Variants in TIMM44 observed in about 807,000 individuals in gnomAD.
TIMM44 encodes translocase of inner mitochondrial membrane 44, also known as mitochondrial import inner membrane translocase subunit TIM44.
A neutral mutation model predicts 63.8 loss-of-function variants in TIMM44; 37 were observed. The observed-to-expected ratio is 0.58, with a 90% CI of 0.45 to 0.76. The LOEUF (loss-of-function observed/expected upper bound fraction) is 0.76, where lower values mean the gene tolerates loss of function less well. Ranked by LOEUF, TIMM44 falls within the 30% of genes least tolerant of loss-of-function variation. TIMM44 has a pLI of 0.00. For synonymous variants in TIMM44, 239 were observed against 245.1 expected, an observed-to-expected ratio of 0.98 and a Z score of 0.23; for missense variants, 573 against 603.8, an observed-to-expected ratio of 0.95 and a Z score of 0.54.
chr19:7,940,989 C>T, intron 2 of TIMM44, 113 bp downstream of exon 2: 3 of 832,668 alleles, frequency 3.6e-6, no homozygotes, highest in Non-Finnish European at 6.1e-6. Flanking sequence ...AGAAGGCCCA[C>T]CACCGAGATG....
At chr19:7,928,963 C>T (rs1001886873) in intron 10 of TIMM44, 1 of 142,360 alleles carries the variant, frequency 7.0e-6, no homozygotes, top group African/African-American at 2.6e-5. Flanking sequence ...CATCGAAACT[C>T]ATAAATGCCT....
intron 9 of TIMM44, 50 bp from the exon 10 acceptor site, chr19:7,931,238 C>T (rs376201338): frequency 1.3e-4 from 198 of 1,551,916 alleles, no homozygotes; most frequent in Middle Eastern, 1.7e-4. Context: ...GCTTTTCAGG[C>T]AGCAGGCGAG....
At chr19:7,932,214 C>T (rs951709335) in intron 9 of TIMM44, 3 of 244,956 alleles carry the variant, frequency 1.2e-5, no homozygotes, top group Admixed American at 1.0e-4. Context: ...GGGACAGCAC[C>T]GTGAGGGAAC....
intron 3 of TIMM44, among the ~76,000 whole-genome samples, chr19:7,935,730 T>G (rs2145178018): frequency 6.6e-6 from 1 of 152,156 alleles, no homozygotes; most frequent in South Asian, 2.1e-4. Flanking sequence ...TTTCACCGGG[T>G]GGTAGGAGGT....
rs1984094176 is a variant in TIMM44 at position 7,934,718 on chromosome 19, C to T, written c.393+347G>A. On this transcript the variant is annotated intron_variant, in intron 4 of 12. Coordinates refer to ENST00000270538, the MANE Select transcript of TIMM44 (RefSeq NM_006351.4). The surrounding 1 kb of genome is among the most constrained non-coding windows in gnomAD (Gnocchi z 5.3). ...CAGAACAGACAACCGAGGAGAGCCG[C>T]AGCACCCCAGGAATCCTGCCTCCCG... is the stretch of plus-strand genomic sequence containing the variant. 6.6e-6 allele frequency among the ~76,000 whole-genome samples: 1 copy of T among 152,186 alleles called. No individual in the cohort carries two copies. Among genetic ancestry groups the T allele is most frequent in the Non-Finnish European group, 1.5e-5 (1 of 68,012 alleles).
At chr19:7,937,108 C>A (rs1160574121) in intron 3 of TIMM44, among the ~76,000 whole-genome samples, 1 of 150,422 alleles carries the variant, frequency 6.6e-6, no homozygotes, top group African/African-American at 2.5e-5. Flanking sequence ...CTTCAAAAAA[C>A]AACAACAACA....
rs140119497 is a variant in TIMM44 at position 7,930,709 on chromosome 19, G to A, written c.1038+429C>T. On this transcript the variant is annotated intron_variant, in intron 10 of 12. Transcript: ENST00000270538. ...AGCAATCTCCCGCCTTGGGCTGCTG[G>A]GATTGAAAGCATAGGCCACCGTGCC... Among the ~76,000 whole-genome samples the A allele has an allele frequency of 9.3e-3, 1,409 of 152,198 alleles. 25 individuals are homozygous for A. The highest frequency in any genetic ancestry group is 0.032 in the African/African-American group (1,339 of 41,518).
chr19:7,940,018 C>G (rs148927883), intron 2 of TIMM44, among the ~76,000 whole-genome samples: 2 of 152,324 alleles, frequency 1.3e-5, no homozygotes, highest in Admixed American at 1.3e-4. Context: ...GGTATACCAG[C>G]TCCAGGTGGG....
At position 7,933,185 on chromosome 19, in the gene TIMM44, C is replaced by CCA. The variant is rs1984038093; in HGVS notation, c.770-254_770-253insTG. 3.9e-5 allele frequency among the ~76,000 whole-genome samples: 6 copies of CCA among 152,330 alleles called. No individual in the cohort carries two copies. The highest frequency in any genetic ancestry group is 3.4e-3 in the Middle Eastern group (1 of 294). ...GTGTAAGTTATGGGCCGCCACCCCA[C>CCA]TGGCTGTTGCTTTCACTACAAAGGA... On this transcript the variant is annotated intron_variant, in intron 7 of 12. Transcript: ENST00000270538. This position sits in a 1 kb window ranked among gnomAD's most constrained non-coding sequence, Gnocchi z 4.3.
At position 7,927,135 on chromosome 19, in the gene TIMM44, T is replaced by G. The variant is rs986954054; in HGVS notation, c.*52A>C. On this transcript the variant is annotated 3_prime_UTR_variant, in exon 13 of 13. Coordinates refer to ENST00000270538, the MANE Select transcript of TIMM44 (RefSeq NM_006351.4). Reference sequence around the variant, plus strand: ...GGAGTTGCCGCAGGTGGTGTTGCGGTGCCTCTGTGCCTGATGACCCAGGCC... The same window carrying G: ...GGAGTTGCCGCAGGTGGTGTTGCGGGGCCTCTGTGCCTGATGACCCAGGCC... 6.4e-7 allele frequency: 1 copy of G among 1,567,914 alleles called. No individual in the cohort carries two copies. The highest frequency in any genetic ancestry group is 8.6e-7 in the Non-Finnish European group (1 of 1,163,626).
chr19:7,943,531 C>A lies in TIMM44; in HGVS notation c.45+76G>T. 6.7e-7 allele frequency: 1 copy of A among 1,502,296 alleles called. No individual in the cohort carries two copies. Among genetic ancestry groups the A allele is most frequent in the South Asian group, 1.2e-5 (1 of 83,538 alleles). The allele number at this position is 1,502,296 out of a possible 1,614,324, so 93.1% of individuals were successfully genotyped here. Reference sequence around the variant, plus strand: ...AGCAAGGGTCGCGAAGGCCAAGGGTCTGAGAAGAAAGCCTTGGTGGCCGAA... The same window carrying A: ...AGCAAGGGTCGCGAAGGCCAAGGGTATGAGAAGAAAGCCTTGGTGGCCGAA... On this transcript the variant is annotated intron_variant, in intron 1 of 12. Coordinates refer to ENST00000270538, the MANE Select transcript of TIMM44 (RefSeq NM_006351.4). This position sits in a 1 kb window ranked among gnomAD's most constrained non-coding sequence, Gnocchi z 4.3.
intron 9 of TIMM44, among the ~76,000 whole-genome samples, chr19:7,932,048 C>T (rs2092158731): frequency 6.6e-6 from 1 of 152,232 alleles, no homozygotes; most frequent in Non-Finnish European, 1.5e-5. Flanking sequence ...CGAAGGTGTC[C>T]AGGCTCCTCC....
At position 7,927,272 on chromosome 19, in the gene TIMM44, A is replaced by T; in HGVS notation, c.1274T>A (p.Leu425His). ...GTTGAGCTCGTCCTGGTCTCGGCAG[A>T]GCGCCCACACGTACAGCATCCGCAG... ...KVLRMLYVWA[L>H]CRDQDELNPY... The change falls in exon 13 of 13, where the codon CTC becomes CAC. Residue 425 changes from leucine to histidine, a missense_variant. Physicochemically the swap from Leu to His is moderately conservative, Grantham distance 99. Transcript: ENST00000270538. 1 of 1,611,704 alleles carries T rather than the reference A, an allele frequency of 6.2e-7. No individual in the cohort carries two copies. The highest frequency in any genetic ancestry group is 8.5e-7 in the Non-Finnish European group (1 of 1,179,922).
chr19:7,941,192 G>C lies in TIMM44; in HGVS notation c.51C>G (p.Cys17Trp). The stretch of plus-strand genomic sequence containing the variant: ...AAAGAAATTGGATTCCACTGCCGAG[G>C]CATCTCTAATTGGGGGGAGAGAAGA... Reference protein sequence around the residue: ...RSGWCRCPRRCLGSGIQFLSS... With the variant: ...RSGWCRCPRRWLGSGIQFLSS... The change falls in exon 2 of 13, where the codon TGC becomes TGG. Residue 17 changes from cysteine (C) to tryptophan (W), a missense_variant. By Grantham distance (215) the Cys-to-Trp change is radical. Coordinates refer to ENST00000270538, the MANE Select transcript of TIMM44 (RefSeq NM_006351.4). The C allele has an allele frequency of 1.2e-6, 2 of 1,613,240 alleles. No homozygotes were observed. Among genetic ancestry groups the C allele is most frequent in the Non-Finnish European group, 1.7e-6 (2 of 1,179,206 alleles).
intron 1 of TIMM44, among the ~76,000 whole-genome samples, chr19:7,942,808 G>A (rs1357847598): frequency 6.6e-6 from 1 of 151,490 alleles, no homozygotes; most frequent in Non-Finnish European, 1.5e-5. Flanking sequence ...TTACAGGAGC[G>A]CGCCACCATG....
At chr19:7,932,970 T>G in intron 7 of TIMM44, 38 bp from the exon 8 acceptor site, 1 of 1,547,552 alleles carries the variant, frequency 6.5e-7, no homozygotes, top group Non-Finnish European at 8.9e-7. Context: ...AAGGGGCCCC[T>G]TCCAGAAACA....
intron 7 of TIMM44, 55 bp from the exon 8 acceptor site, chr19:7,932,987 T>G: frequency 7.1e-7 from 1 of 1,410,856 alleles, no homozygotes; most frequent in Non-Finnish European, 1.0e-6. Context: ...AACACAACCC[T>G]CCCTCACAGC....
intron 2 of TIMM44, among the ~76,000 whole-genome samples, chr19:7,940,798 G>A (rs963421061): frequency 3.3e-5 from 5 of 152,062 alleles, no homozygotes; most frequent in African/African-American, 1.2e-4. Context: ...ACGGGCAGAG[G>A]TCACAGGGAA....
intron 3 of TIMM44, 157 bp from the exon 4 acceptor site, chr19:7,935,302 A>T (rs1295272573): frequency 1.5e-6 from 1 of 673,516 alleles, no homozygotes; most frequent in Non-Finnish European, 2.6e-6. Flanking sequence ...AGTAGCTGGG[A>T]CTACAGGGCC....
Sources: gnomAD v4.1 joint callset for allele counts (sites outside exome capture counted in the v4.1 genomes callset) on GRCh38, gnomAD v4.1.1 for gene constraint, Gnocchi (gnomAD v3.1) non-coding constraint, MANE v1.5 for transcripts, NCBI Gene and HGNC (gene_info 2026-07-23, HGNC 2026-07-21) for gene names.